The following IGSF22 variants were observed in gnomAD, a reference collection of about 807,000 sequenced individuals.
IGSF22 encodes immunoglobulin superfamily, member 22.
In IGSF22, 119 loss-of-function variants were observed where a neutral mutation model predicts 127.0. The ratio of observed to expected loss-of-function variants is 0.94; its 90% CI spans 0.81 to 1.09. The LOEUF is 1.09. Ranked by LOEUF, IGSF22 falls within the 50% of genes least tolerant of loss-of-function variation. The pLI, the probability that IGSF22 is intolerant of heterozygous loss-of-function variation, is 0.00. For missense variants in IGSF22, 1,518 were observed against 1,716.6 expected (o/e 0.88, Z 2.04); for synonymous variants, 568 against 664.7 (o/e 0.85, Z 2.24).
intron 22 of IGSF22, chr11:18,705,551 G>A (rs1848207807): frequency 2.0e-6 from 1 of 500,362 alleles, no homozygotes; most frequent in South Asian, 2.5e-5. Context: ...TCTTTTTTCT[G>A]AAGGCAGGTC....
At chr11:18,713,767 G>T in intron 14 of IGSF22, 85 bp downstream of exon 14, 2 of 1,116,064 alleles carry the variant, frequency 1.8e-6, no homozygotes, top group Non-Finnish European at 1.3e-6. Flanking sequence ...TCTAACTCTG[G>T]CCTCCTACTC....
chr11:18,705,844 G>A lies in IGSF22; in HGVS notation c.3883C>T (p.Arg1295Cys), dbSNP rs750037408. ...VLVENELGKD[R>C]SSCTLTVYDK... The stretch of plus-strand genomic sequence containing the variant: ...TAGACGGTGAGCGTGCAGCTGCTGC[G>A]GTCCTTGCCCAGCTCGTTCTCCACC... Residue 1295 changes from arginine (R) to cysteine (C), a missense_variant, in exon 22 of 23, where the codon CGC (arginine) becomes TGC (cysteine). Coordinates refer to ENST00000513874, the MANE Select transcript of IGSF22 (RefSeq NM_173588.4). The A allele has an allele frequency of 6.5e-7, 1 of 1,549,350 alleles. No individual in the cohort carries two copies. The highest frequency in any genetic ancestry group is 1.2e-5 in the South Asian group (1 of 84,006).
chr11:18,712,669 C>G (rs1215733582), intron 14 of IGSF22, among the ~76,000 whole-genome samples: 3 of 152,340 alleles, frequency 2.0e-5, no homozygotes, highest in East Asian at 1.9e-4. Flanking sequence ...AGTTCTCCCC[C>G]TCTTCTGAGC....
At position 18,715,616 on chromosome 11, in the gene IGSF22, C is replaced by T. The variant is rs148620937; in HGVS notation, c.1347G>A (p.Leu449=). The change falls in exon 11 of 23, where the codon CTG becomes CTA. Residue 449 remains leucine (L), a synonymous_variant. Transcript: ENST00000513874. ...ECELTSKDVT[L]RWKKDGQLLM... The stretch of plus-strand genomic sequence containing the variant: ...GCAGCTGCCCATCCTTCTTCCAGCG[C>T]AGTGTCACATCCTTGGATGTCAGCT... The T allele has an allele frequency of 3.0e-4, 477 of 1,614,104 alleles. 1 individual carries two copies. In the African/African-American group the frequency reaches 5.8e-3, roughly 20 times the overall value.
chr11:18,712,710 T>C (rs1848380556), intron 14 of IGSF22, among the ~76,000 whole-genome samples: 1 of 152,218 alleles, frequency 6.6e-6, no homozygotes, highest in East Asian at 1.9e-4. Flanking sequence ...CTGGTACCAC[T>C]GTTTACCTTA....
rs201278471 is a variant in IGSF22, at chr11:18,724,165, G to A, written c.72C>T (p.His24=). ...TGGTTGTCTGGGAGAAGGTCTGCAC[G>A]TGGGTGGTGGAGCTGGAGAACTCCA... ...VSMEFSSSTT[H]VQTFSQTTKI... is the part of the protein sequence containing the mutation. The change falls in exon 2 of 23, where the codon CAC becomes CAT. Residue 24 remains histidine (H), a synonymous_variant. Coordinates refer to ENST00000513874, the MANE Select transcript of IGSF22 (RefSeq NM_173588.4). 8 of 1,613,872 alleles carry A rather than the reference G, an allele frequency of 5.0e-6. No individual in the cohort carries two copies. Among genetic ancestry groups the A allele is most frequent in the East Asian group, 4.5e-5 (2 of 44,890 alleles).
rs1422850584 is a variant in IGSF22, at chr11:18,726,180, C to T, written c.-140G>A. On this transcript the variant is annotated 5_prime_UTR_variant, in exon 1 of 23. Coordinates refer to ENST00000513874, the MANE Select transcript of IGSF22 (RefSeq NM_173588.4). ...GTGGCCCGTCTCCTTCTTCCTTTGC[C>T]CCAACAGTGAGGCTACCAGTGTCAT... 2.0e-5 allele frequency: 3 copies of T among 152,466 alleles called. No individual in the cohort carries two copies. Among genetic ancestry groups the T allele is most frequent in the African/African-American group, 7.2e-5 (3 of 41,434 alleles). 9.4% of individuals were successfully genotyped at this position (152,466 alleles called of 1,614,324 possible). A position where few individuals can be genotyped will look rare whatever the true frequency, so the allele number is the denominator to read the frequency against.
rs1293650390 is a variant in IGSF22, at chr11:18,704,320, G to A, written c.*148C>T. On this transcript the variant is annotated 3_prime_UTR_variant, in exon 23 of 23. Transcript: ENST00000513874. Reference sequence around the variant, plus strand: ...CACCCTCAGGAACGGGAAAGGATGAGTTACGTTTATTGCCCCATCCCTTCA... The same window carrying A: ...CACCCTCAGGAACGGGAAAGGATGAATTACGTTTATTGCCCCATCCCTTCA... 1.6e-5 allele frequency: 10 copies of A among 643,668 alleles called. No individual in the cohort carries two copies. The highest frequency in any genetic ancestry group is 1.6e-4 in the South Asian group (9 of 58,052). 39.9% of individuals were successfully genotyped at this position (643,668 alleles called of 1,614,324 possible).
At position 18,719,731 on chromosome 11, in the gene IGSF22, CTTCTTCA is replaced by C. The variant is rs1848533211; in HGVS notation, c.674_680del (p.Met225ArgfsTer3). 3 of 1,614,160 alleles carry C rather than the reference CTTCTTCA, an allele frequency of 1.9e-6. No individual in the cohort carries two copies. On this transcript the variant is annotated frameshift_variant, in exon 7 of 23. Coordinates refer to ENST00000513874, the MANE Select transcript of IGSF22 (RefSeq NM_173588.4). LOFTEE classifies it high-confidence loss of function. ...GGGTACTTACCTCCACCTCTACTTT[CTTCTTCA>C]TCTCTTTGAGCTTCCTGAGCAGCCC...
At chr11:18,714,719 A>G in intron 11 of IGSF22, 95 bp from the exon 12 acceptor site, 5 of 1,478,662 alleles carry the variant, frequency 3.4e-6, no homozygotes, top group Non-Finnish European at 4.6e-6. Flanking sequence ...GGGACTGGTC[A>G]GGGGTGCTGC....
Position 18,712,305 on chromosome 11 carries a change from T to G in IGSF22, c.2175A>C (p.Pro725=). The change falls in exon 15 of 23, where the codon CCA becomes CCC. Residue 725 remains proline, a synonymous_variant. Transcript: ENST00000513874. ...GSCVHMKWKA[P]KDNGGRPVTQ... ...TCACAGGTCGTCCACCATTGTCCTT[T>G]GGGGCCTTCCACTTCATGTGCACAC... 1 of 1,551,722 alleles carries G rather than the reference T, an allele frequency of 6.4e-7. No individual in the cohort carries two copies. The highest frequency in any genetic ancestry group is 1.2e-5 in the South Asian group (1 of 84,066).
At position 18,704,316 on chromosome 11, in the gene IGSF22, ATGAGTTACGTTTAT is replaced by A; in HGVS notation, c.*138_*151del. The A allele has an allele frequency of 3.1e-6, 2 of 636,552 alleles. No homozygotes were observed. Among genetic ancestry groups the A allele is most frequent in the Non-Finnish European group, 5.7e-6 (2 of 350,554 alleles). The allele number at this position is 636,552 out of a possible 1,614,324, so 39.4% of individuals were successfully genotyped here. On this transcript the variant is annotated 3_prime_UTR_variant, in exon 23 of 23. Transcript: ENST00000513874. ...ATATCACCCTCAGGAACGGGAAAGGATGAGTTACGTTTATTGCCCCATCCCTTCACTGAATGTTT... is the reference window on the plus strand; with the variant it reads ...ATATCACCCTCAGGAACGGGAAAGGATGCCCCATCCCTTCACTGAATGTTT...
chr11:18,711,343 T>G (rs1307424428), intron 15 of IGSF22, among the ~76,000 whole-genome samples: 2 of 152,128 alleles, frequency 1.3e-5, no homozygotes, highest in African/African-American at 2.4e-5. Flanking sequence ...TGTCCTGACA[T>G]GGAGATTTGG....
At position 18,716,630 on chromosome 11, in the gene IGSF22, G is replaced by C; in HGVS notation, c.1246+98C>G. On this transcript the variant is annotated intron_variant, in intron 10 of 22. Coordinates refer to ENST00000513874, the MANE Select transcript of IGSF22 (RefSeq NM_173588.4). The surrounding 1 kb of genome is among the most constrained non-coding windows in gnomAD (Gnocchi z 4.5). Reference sequence around the variant, plus strand: ...TACCTACCACAGGGCTTTGCAAAAAGGAGATGGATGGATAGATGGATATAT... The same window carrying C: ...TACCTACCACAGGGCTTTGCAAAAACGAGATGGATGGATAGATGGATATAT... 1 of 1,303,216 alleles carries C rather than the reference G, an allele frequency of 7.7e-7. No homozygotes were observed. Among genetic ancestry groups the C allele is most frequent in the South Asian group, 1.3e-5 (1 of 74,890 alleles). 80.7% of individuals were successfully genotyped at this position (1,303,216 alleles called of 1,614,324 possible). A position where few individuals can be genotyped will look rare whatever the true frequency, so the allele number is the denominator to read the frequency against.
chr11:18,707,404 T>TA (rs1324521661), intron 20 of IGSF22, 191 bp from the exon 21 acceptor site: 9 of 561,166 alleles, frequency 1.6e-5, no homozygotes, highest in Non-Finnish European at 2.5e-5. Flanking sequence ...GTAAGTTACT[T>TA]ATCTGAGACT....
intron 4 of IGSF22, 72 bp downstream of exon 4, chr11:18,721,463 G>C (rs1010582814): frequency 2.5e-6 from 4 of 1,600,046 alleles, no homozygotes; most frequent in Non-Finnish European, 2.6e-6. Flanking sequence ...TCGGTGAGAA[G>C]ACTGGCGGCC....
chr11:18,713,873 T>G lies in IGSF22; in HGVS notation c.2074A>C (p.Thr692Pro). The G allele has an allele frequency of 6.2e-7, 1 of 1,613,666 alleles. No homozygotes were observed. Among genetic ancestry groups the G allele is most frequent in the South Asian group, 1.1e-5 (1 of 90,998 alleles). The change falls in exon 14 of 23, where the codon ACT (threonine) becomes CCT (proline). Residue 692 changes from threonine to proline, a missense_variant. Thr to Pro is a conservative substitution (Grantham distance 38). Transcript: ENST00000513874. ...TGACCCAGCACACTAAGGTGCAGAGTGGCCGTGGCTGAGCCGTGGTCATTC... is the reference window on the plus strand; with the variant it reads ...TGACCCAGCACACTAAGGTGCAGAGGGGCCGTGGCTGAGCCGTGGTCATTC... The part of the protein sequence containing the change: ...LKNDHGSATA[T>P]LHLSVLDRPK...
Position 18,715,445 on chromosome 11 carries a change from G to A in IGSF22, c.1518C>T (p.Ile506=), listed in dbSNP as rs562803909. 3.2e-5 allele frequency: 51 copies of A among 1,610,560 alleles called. No homozygotes were observed. The African/African-American group carries it at 4.9e-4, about 16-fold the overall frequency. The change falls in exon 11 of 23, where the codon ATC becomes ATT. Residue 506 remains isoleucine, a synonymous_variant. Transcript: ENST00000513874. ...GGCGGGTGTTACCCTCCACAGTGAC[G>A]ATGGCAGTACTGTAGTATTCAGTAG... ...GDPTEYYSTA[I]VTVEERLATV...
In IGSF22 at chr11:18,709,826, C is replaced by G; in HGVS notation, c.2702-143G>C. 1 of 773,482 alleles carries G rather than the reference C, an allele frequency of 1.3e-6. No individual in the cohort carries two copies. Among genetic ancestry groups the G allele is most frequent in the Non-Finnish European group, 2.0e-6 (1 of 491,818 alleles). The allele number at this position is 773,482 out of a possible 1,614,324, so 47.9% of individuals were successfully genotyped here. On this transcript the variant is annotated intron_variant, in intron 17 of 22. Coordinates refer to ENST00000513874, the MANE Select transcript of IGSF22 (RefSeq NM_173588.4). This position sits in a 1 kb window ranked among gnomAD's most constrained non-coding sequence, Gnocchi z 4.8. ...CTCAGTTAACACCCTTAGTACCTAG[C>G]CTTATACACTCAACCTCCAAATTCA...
Sources: allele counts gnomAD v4.1 joint callset (sites outside exome capture counted in the v4.1 genomes callset), GRCh38; gene constraint gnomAD v4.1.1; non-coding constraint Gnocchi (gnomAD v3.1); transcripts MANE v1.5; gene names NCBI Gene and HGNC (gene_info 2026-07-23, HGNC 2026-07-21).